The following DOCK2 variants were observed in gnomAD, a reference collection of about 807,000 sequenced individuals.
The protein encoded by DOCK2 is dedicator of cytokinesis protein 2.
A neutral mutation model predicts 248.9 loss-of-function variants in DOCK2; 87 were observed. The ratio of observed to expected loss-of-function variants is 0.35; its 90% confidence interval spans 0.29 to 0.42. DOCK2 has a LOEUF of 0.42. Ranked by LOEUF, DOCK2 falls within the 10% of genes least tolerant of loss-of-function variation. The probability of loss-of-function intolerance (pLI) is 1.00; values close to 1 mark genes in which losing one functional copy is unlikely to be tolerated. For missense variants in DOCK2, 1,747 were observed against 2,300.2 expected (o/e 0.76, Z 4.92); for synonymous variants, 805 against 821.6 (o/e 0.98, Z 0.35).
At position 170,050,335 on chromosome 5, in the gene DOCK2, A is replaced by T; in HGVS notation, c.4151A>T (p.Asn1384Ile). ...ATGCAGCTGATGACCCAGTTCCCCA[A>T]TGCAGAGAAGATGAACACCACCTCT... ...FQMQLMTQFPNAEKMNTTSAP... is the reference protein window; with the variant it reads ...FQMQLMTQFPIAEKMNTTSAP... Residue 1384 changes from asparagine (N) to isoleucine (I), a missense_variant, in exon 41 of 52, where the codon AAT (asparagine) becomes ATT (isoleucine). Transcript: ENST00000520908. 2 of 1,614,164 alleles carry T rather than the reference A, an allele frequency of 1.2e-6. No homozygotes were observed. The highest frequency in any genetic ancestry group is 8.5e-7 in the Non-Finnish European group (1 of 1,180,014).
At chr5:169,804,486 G>GTGTGTGCT (rs1767210966) in intron 26 of DOCK2, among the ~76,000 whole-genome samples, 1 of 57,232 alleles carries the variant, frequency 1.7e-5, no homozygotes, top group Non-Finnish European at 4.3e-5. Flanking sequence ...GTGTGTGTGT[G>GTGTGTGCT]CGCGCGCGCG....
chr5:169,711,409 A>G (rs926532212), intron 15 of DOCK2, among the ~76,000 whole-genome samples: 4 of 152,210 alleles, frequency 2.6e-5, no homozygotes, highest in Non-Finnish European at 4.4e-5. Context: ...CTTGGAATCA[A>G]AAACATCTGG....
At chr5:169,756,116 T>C (rs1179189906) in intron 23 of DOCK2, among the ~76,000 whole-genome samples, 1 of 152,190 alleles carries the variant, frequency 6.6e-6, no homozygotes, top group African/African-American at 2.4e-5. Context: ...CCTCTGAGAC[T>C]CAGGTGACAG....
At chr5:169,703,357 GTGA>G (rs1449405913) in intron 14 of DOCK2, among the ~76,000 whole-genome samples, 1 of 152,182 alleles carries the variant, frequency 6.6e-6, no homozygotes, top group Non-Finnish European at 1.5e-5. Flanking sequence ...GTCAGGCTGT[GTGA>G]TAGTATGACA....
At chr5:169,773,880 G>A (rs139330897) in intron 25 of DOCK2, among the ~76,000 whole-genome samples, 43 of 152,236 alleles carry the variant, frequency 2.8e-4, no homozygotes, top group Admixed American at 1.8e-3. Context: ...GGTTTTATAA[G>A]GGGAAACCCC....
chr5:169,928,295 G>T (rs1294024396), intron 27 of DOCK2, among the ~76,000 whole-genome samples: 1 of 152,004 alleles, frequency 6.6e-6, no homozygotes, highest in Non-Finnish European at 1.5e-5. Context: ...GCCTGTTCTT[G>T]CCCAGTCTGT....
Position 170,066,051 on chromosome 5 carries a change from A to C in DOCK2, c.4468-1459A>C, listed in dbSNP as rs547889647. On this transcript the variant is annotated intron_variant, in intron 44 of 51. Transcript: ENST00000520908. ...ACTGCAAGCTCCGCCTCCTGGGCTCATGCCATTCTCCTGTCTCAGCCTCCC... is the reference window on the plus strand; with the variant it reads ...ACTGCAAGCTCCGCCTCCTGGGCTCCTGCCATTCTCCTGTCTCAGCCTCCC... 2.7e-5 allele frequency among the ~76,000 whole-genome samples: 4 copies of C among 148,834 alleles called. No homozygotes were observed. In the East Asian group the frequency reaches 7.9e-4, roughly 29 times the overall value.
At chr5:169,748,831 A>T (rs1763752580) in intron 23 of DOCK2, among the ~76,000 whole-genome samples, 1 of 152,252 alleles carries the variant, frequency 6.6e-6, no homozygotes, top group Non-Finnish European at 1.5e-5. Flanking sequence ...ACTATGTAAC[A>T]GGCTTTATAT....
chr5:169,653,573 C>T (rs1757926421), intron 1 of DOCK2, among the ~76,000 whole-genome samples: 1 of 152,188 alleles, frequency 6.6e-6, no homozygotes, highest in Admixed American at 6.5e-5. Flanking sequence ...CCTTGCGTAG[C>T]CCTCTCCATT....
chr5:169,928,120 G>A (rs1047576890), intron 27 of DOCK2, among the ~76,000 whole-genome samples: 4 of 152,162 alleles, frequency 2.6e-5, no homozygotes, highest in African/African-American at 9.7e-5. Context: ...GTTCCTTCAG[G>A]CCTTCCCAGC....
At chr5:169,837,496 G>C (rs909332421) in intron 26 of DOCK2, among the ~76,000 whole-genome samples, 2 of 152,076 alleles carry the variant, frequency 1.3e-5, no homozygotes, top group East Asian at 3.9e-4. Context: ...TTTCTGCTAC[G>C]TGCTGGCAAT....
intron 5 of DOCK2, 35 bp from the exon 6 acceptor site, chr5:169,674,262 A>G: frequency 6.2e-7 from 1 of 1,611,440 alleles, no homozygotes; most frequent in Non-Finnish European, 8.5e-7. Flanking sequence ...TGCCCCTTTA[A>G]CACAGGTAAT....
chr5:169,835,707 C>T (rs1223689088), intron 26 of DOCK2, among the ~76,000 whole-genome samples: 3 of 152,066 alleles, frequency 2.0e-5, no homozygotes, highest in Non-Finnish European at 1.5e-5. Context: ...AAAAGTTCCT[C>T]TGGCAAGGGG....
chr5:169,641,296 A>C (rs1202765357), intron 1 of DOCK2, among the ~76,000 whole-genome samples: 1 of 152,162 alleles, frequency 6.6e-6, no homozygotes, highest in East Asian at 1.9e-4. Context: ...TTCAAACCAT[A>C]ACAGGCTCTG....
chr5:169,873,999 G>A (rs905361475), intron 27 of DOCK2, among the ~76,000 whole-genome samples: 2 of 152,222 alleles, frequency 1.3e-5, no homozygotes, highest in African/African-American at 4.8e-5. Context: ...TGCTAGGAAC[G>A]AGAATGCTGG....
chr5:170,043,667 A>G (rs1321460148), intron 38 of DOCK2, among the ~76,000 whole-genome samples: 1 of 152,208 alleles, frequency 6.6e-6, no homozygotes, highest in Non-Finnish European at 1.5e-5. Context: ...CATAATTTAC[A>G]ATTATAAGCC....
intron 34 of DOCK2, among the ~76,000 whole-genome samples, chr5:170,029,468 CAT>C (rs377228572): frequency 1.7e-4 from 26 of 152,210 alleles, no homozygotes; most frequent in African/African-American, 6.0e-4. Context: ...ACACAAATCA[CAT>C]GAGTCTGGCC....
chr5:169,882,028 T>C (rs73801674), intron 27 of DOCK2, among the ~76,000 whole-genome samples: 4,192 of 152,290 alleles, frequency 0.028, 178 homozygotes, highest in African/African-American at 0.089. Flanking sequence ...GCAAAATGAA[T>C]TGTGATCTCA....
At chr5:170,077,365 C>G in intron 47 of DOCK2, among the ~76,000 whole-genome samples, 1 of 152,208 alleles carries the variant, frequency 6.6e-6, no homozygotes, top group Non-Finnish European at 1.5e-5. Flanking sequence ...AGCCCCAGCC[C>G]AGCCCTATAA....
Sources: gnomAD v4.1 joint callset for allele counts (sites outside exome capture counted in the v4.1 genomes callset) on GRCh38, gnomAD v4.1.1 for gene constraint, MANE v1.5 for transcripts, NCBI Gene and HGNC (gene_info 2026-07-23, HGNC 2026-07-21) for gene names.